P2RY12: variants seen among roughly 807,000 people sequenced by gnomAD.
P2RY12 encodes P2Y purinoceptor 12.
A neutral mutation model predicts 4.5 loss-of-function variants in P2RY12; 3 were observed. That is an observed-to-expected ratio of 0.67 (90% confidence interval 0.31 to 1.74). The LOEUF is 1.74. P2RY12 is among the 40% of genes most tolerant of loss of function. P2RY12 has a pLI of 0.09. For synonymous variants in P2RY12, 148 were observed against 154.1 expected (o/e 0.96, Z 0.29); for missense variants, 356 against 407.8 (o/e 0.87, Z 1.09).
chr3:151,355,225 C>G, intron 1 of P2RY12: 1 of 1,609,206 alleles, frequency 6.2e-7, no homozygotes. Context: ...TGATCAACAT[C>G]AAGTGACATC....
intron 1 of P2RY12, chr3:151,378,045 C>T (rs1218210368): frequency 4.3e-6 from 7 of 1,610,208 alleles, no homozygotes; most frequent in Non-Finnish European, 5.9e-6. Context: ...GGTTGGTGGC[C>T]CCCCTCATCG....
intron 1 of P2RY12, among the ~76,000 whole-genome samples, chr3:151,346,691 T>C (rs978976557): frequency 1.3e-5 from 2 of 152,166 alleles, no homozygotes; most frequent in Non-Finnish European, 2.9e-5. Flanking sequence ...TTTGCTGGCT[T>C]ATTTCTCCCC....
At chr3:151,366,539 A>G (rs1755297085) in intron 1 of P2RY12, among the ~76,000 whole-genome samples, 1 of 152,216 alleles carries the variant, frequency 6.6e-6, no homozygotes, top group Non-Finnish European at 1.5e-5. Context: ...ACTTCCTTGG[A>G]TATCATGTTG....
At chr3:151,371,059 C>T (rs900357431) in intron 1 of P2RY12, among the ~76,000 whole-genome samples, 1 of 152,258 alleles carries the variant, frequency 6.6e-6, no homozygotes, top group African/African-American at 2.4e-5. Context: ...GGCACAGACT[C>T]TCATACCTTC....
chr3:151,344,763 A>G (rs1334790159), intron 1 of P2RY12, among the ~76,000 whole-genome samples: 2 of 152,188 alleles, frequency 1.3e-5, no homozygotes, highest in South Asian at 2.1e-4. Context: ...TCTGAGTGAG[A>G]TCTTTTTCAT....
chr3:151,366,515 T>C (rs1755293455), intron 1 of P2RY12, among the ~76,000 whole-genome samples: 1 of 152,208 alleles, frequency 6.6e-6, no homozygotes, highest in African/African-American at 2.4e-5. Context: ...AGATACCCCT[T>C]GTATATATCA....
intron 1 of P2RY12, chr3:151,382,803 TC>T: frequency 7.3e-7 from 1 of 1,362,460 alleles, no homozygotes. Context: ...TGAAAATACC[TC>T]CAGCTTTCCA....
chr3:151,359,455 T>G (rs1366218772), intron 1 of P2RY12, among the ~76,000 whole-genome samples: 1 of 152,142 alleles, frequency 6.6e-6, no homozygotes, highest in African/African-American at 2.4e-5. Context: ...GAAGTCTCCT[T>G]GGTTCCACCT....
intron 1 of P2RY12, among the ~76,000 whole-genome samples, chr3:151,382,442 A>G (rs527241159): frequency 1.3e-5 from 2 of 152,300 alleles, no homozygotes; most frequent in Non-Finnish European, 2.9e-5. Context: ...ATAATTATAT[A>G]AGATTTTCTT....
rs543007586 is a variant in P2RY12 at position 151,337,733 on chromosome 3, T to G, written c.*84A>C. 37 of 1,366,984 alleles carry G rather than the reference T, an allele frequency of 2.7e-5. No individual in the cohort carries two copies. The African/African-American group carries it at 3.6e-4, about 13-fold the overall frequency. The allele number at this position is 1,366,984 out of a possible 1,614,324, so 84.7% of individuals were successfully genotyped here. ...CATTATTATTAACTTAGTTGCTTCT[T>G]CGTCAGTTAATATTTTTACTTAGCG... is the stretch of plus-strand genomic sequence containing the variant. On this transcript the variant is annotated 3_prime_UTR_variant, in exon 3 of 3. Coordinates refer to ENST00000302632, the MANE Select transcript of P2RY12 (RefSeq NM_022788.5).
chr3:151,382,654 A>T, intron 1 of P2RY12: 1 of 1,603,004 alleles, frequency 6.2e-7, no homozygotes, highest in Non-Finnish European at 8.5e-7. Context: ...TCCGGATCTT[A>T]GATTTTAAGT....
At chr3:151,382,698 A>C (rs761494734) in intron 1 of P2RY12, 3 of 1,612,792 alleles carry the variant, frequency 1.9e-6, no homozygotes, top group Non-Finnish European at 2.5e-6. Flanking sequence ...AGATGACATA[A>C]AAGCGCGGCA....
chr3:151,371,625 C>G (rs1756198493), intron 1 of P2RY12, among the ~76,000 whole-genome samples: 1 of 152,134 alleles, frequency 6.6e-6, no homozygotes, highest in African/African-American at 2.4e-5. Context: ...TTTCCATTAA[C>G]TTGGGCATTG....
chr3:151,376,311 G>T, intron 1 of P2RY12: 7 of 1,005,104 alleles, frequency 7.0e-6, no homozygotes, highest in Non-Finnish European at 9.5e-6. Flanking sequence ...GCTAATTTGT[G>T]ATTTCAATTC....
intron 1 of P2RY12, among the ~76,000 whole-genome samples, chr3:151,349,126 A>G (rs77977013): frequency 0.014 from 2,135 of 152,364 alleles, 44 homozygotes; most frequent in African/African-American, 0.048. Context: ...AGAAATTGCT[A>G]TAGAAAGATT....
chr3:151,345,933 G>A (rs1237175751), intron 1 of P2RY12, among the ~76,000 whole-genome samples: 3 of 152,122 alleles, frequency 2.0e-5, no homozygotes, highest in African/African-American at 4.8e-5. Flanking sequence ...GTAACACCTA[G>A]CATGAGTTCC....
Sources: gnomAD v4.1 joint callset for allele counts (sites outside exome capture counted in the v4.1 genomes callset) on GRCh38, gnomAD v4.1.1 for gene constraint, MANE v1.5 for transcripts, NCBI Gene and HGNC (gene_info 2026-07-23, HGNC 2026-07-21) for gene names.